ZNF618: variants seen among roughly 807,000 people sequenced by gnomAD.
ZNF618 encodes neural precursor cell expressed, developmentally down-regulated 10.
In ZNF618, 34 loss-of-function variants were observed where a neutral mutation model predicts 103.0. That is an observed-to-expected ratio of 0.33 (90% CI 0.25 to 0.44). The LOEUF is 0.44. Among genes scored for constraint, ZNF618 ranks in the 20% least tolerant of loss-of-function variants. ZNF618 has a pLI of 1.00. For synonymous variants in ZNF618, 551 were observed against 542.2 expected (o/e 1.02, Z -0.23); for missense variants, 1,059 against 1,295.4 (o/e 0.82, Z 2.80).
intron 1 of ZNF618, among the ~76,000 whole-genome samples, chr9:113,877,426 A>G (rs115637619): frequency 0.048 from 7,287 of 152,274 alleles, 265 homozygotes; most frequent in African/African-American, 0.095. Flanking sequence ...TAATTTCTCT[A>G]TATGGCAATA....
At chr9:114,041,267 A>G (rs1017595916) in intron 13 of ZNF618, among the ~76,000 whole-genome samples, 1 of 152,078 alleles carries the variant, frequency 6.6e-6, no homozygotes, top group African/African-American at 2.4e-5. Context: ...ATTTTCTCCC[A>G]TTCTGTAGGT....
rs566345260 is a variant in ZNF618 at position 113,919,467 on chromosome 9, T to C, written c.33+43054T>C. Among the ~76,000 whole-genome samples the C allele has an allele frequency of 2.6e-5, 4 of 152,366 alleles. No individual in the cohort carries two copies. The South Asian group carries it at 6.2e-4, about 24-fold the overall frequency. On this transcript the variant is annotated intron_variant, in intron 1 of 14. Transcript: ENST00000374126. ...ATCAGATTTTTATTTATGAGTTGAA[T>C]TGTATGTGTGTGTGCATCCCTGAGG...
chr9:113,923,785 A>T (rs1397660043), intron 1 of ZNF618, among the ~76,000 whole-genome samples: 1 of 152,076 alleles, frequency 6.6e-6, no homozygotes, highest in Non-Finnish European at 1.5e-5. Context: ...CAGATTGAGT[A>T]TCCCTTATCT....
rs74967400 is a variant in ZNF618 at position 113,958,444 on chromosome 9, G to A, written c.34-10673G>A. ...GATGCTGGCCACTTCTAGATTGCTAGGATTACCTTCATTTGAAGCCCTTTA... is the reference window on the plus strand; with the variant it reads ...GATGCTGGCCACTTCTAGATTGCTAAGATTACCTTCATTTGAAGCCCTTTA... On this transcript the variant is annotated intron_variant, in intron 1 of 14. Coordinates refer to ENST00000374126, the MANE Select transcript of ZNF618 (RefSeq NM_001318042.2). Among the ~76,000 whole-genome samples, 798 of 152,268 alleles carry A rather than the reference G, an allele frequency of 5.2e-3. 7 individuals are homozygous for A. Among genetic ancestry groups the A allele is most frequent in the African/African-American group, 0.019 (769 of 41,560 alleles).
chr9:114,031,066 A>G (rs1843984348), intron 11 of ZNF618, among the ~76,000 whole-genome samples: 1 of 152,070 alleles, frequency 6.6e-6, no homozygotes, highest in Non-Finnish European at 1.5e-5. Context: ...AGTACATCCA[A>G]CCCCAGTAAC....
chr9:113,954,270 G>A (rs1244336611), intron 1 of ZNF618, among the ~76,000 whole-genome samples: 2 of 152,126 alleles, frequency 1.3e-5, no homozygotes, highest in Non-Finnish European at 2.9e-5. Flanking sequence ...ATCCCTATAG[G>A]TCTGGTCAAG....
Position 114,048,860 on chromosome 9 carries a change from A to G in ZNF618, c.1558A>G (p.Thr520Ala), listed in dbSNP as rs1845890679. The change falls in exon 15 of 15, where the codon ACG becomes GCG. Residue 520 changes from threonine to alanine, a missense_variant. Thr to Ala is a moderately conservative substitution (Grantham distance 58). Coordinates refer to ENST00000374126, the MANE Select transcript of ZNF618 (RefSeq NM_001318042.2). The stretch of plus-strand genomic sequence containing the variant: ...CACTGAAATCCTGGGCAACTTCAAC[A>G]CGCTGGCGCTGAAGCACCTGCCACG... ...SVTEILGNFNTLALKHLPRMY... is the reference protein window; with the variant it reads ...SVTEILGNFNALALKHLPRMY... 1.2e-6 allele frequency: 2 copies of G among 1,607,954 alleles called. No homozygotes were observed. Among genetic ancestry groups the G allele is most frequent in the Non-Finnish European group, 1.7e-6 (2 of 1,177,070 alleles).
At chr9:113,997,054 C>G (rs1274763121) in intron 3 of ZNF618, among the ~76,000 whole-genome samples, 2 of 151,426 alleles carry the variant, frequency 1.3e-5, no homozygotes, top group African/African-American at 4.8e-5. Context: ...TTCTCTCTCT[C>G]TCTTTCTTTT....
intron 6 of ZNF618, among the ~76,000 whole-genome samples, chr9:114,006,791 G>A (rs1286029986): frequency 6.6e-6 from 1 of 152,118 alleles, no homozygotes; most frequent in Non-Finnish European, 1.5e-5. Flanking sequence ...CACTCATGTG[G>A]TTGCTAGCAG....
chr9:113,983,051 A>G (rs1011987072), intron 2 of ZNF618, among the ~76,000 whole-genome samples: 37 of 152,244 alleles, frequency 2.4e-4, no homozygotes, highest in African/African-American at 8.4e-4. Context: ...GTAGTTATCT[A>G]TATATAAATC....
At chr9:114,030,644 TC>T (rs1346536578) in intron 11 of ZNF618, among the ~76,000 whole-genome samples, 1 of 152,174 alleles carries the variant, frequency 6.6e-6, no homozygotes, top group Non-Finnish European at 1.5e-5. Flanking sequence ...TCAGAGGGCA[TC>T]CGGTTGGGAG....
intron 1 of ZNF618, among the ~76,000 whole-genome samples, chr9:113,932,757 TA>T (rs1234266176): frequency 1.3e-5 from 2 of 152,072 alleles, no homozygotes; most frequent in Non-Finnish European, 2.9e-5. Flanking sequence ...GGACCAGGTA[TA>T]GGGGGAGTGG....
In ZNF618 at chr9:113,938,441, C is replaced by T. The variant is rs553309924; in HGVS notation, c.34-30676C>T. Among the ~76,000 whole-genome samples, 25 of 152,132 alleles carry T rather than the reference C, an allele frequency of 1.6e-4. No individual in the cohort carries two copies. In the South Asian group the frequency reaches 4.8e-3, roughly 29 times the overall value. The stretch of plus-strand genomic sequence containing the variant: ...AGTGATTCTCCCTTGTTGGCTGCCT[C>T]AAAGCATTGGGATTATAGGCGTGAG... On this transcript the variant is annotated intron_variant, in intron 1 of 14. Transcript: ENST00000374126.
At chr9:113,915,068 T>C (rs1263729710) in intron 1 of ZNF618, among the ~76,000 whole-genome samples, 1 of 152,232 alleles carries the variant, frequency 6.6e-6, no homozygotes, top group African/African-American at 2.4e-5. Context: ...CTACCTTACT[T>C]AGCAAAACTT....
intron 1 of ZNF618, among the ~76,000 whole-genome samples, chr9:113,885,634 G>A (rs1246181747): frequency 1.3e-5 from 2 of 152,176 alleles, no homozygotes; most frequent in Non-Finnish European, 2.9e-5. Flanking sequence ...CCTAGCCCTG[G>A]AAGGCCTTGG....
chr9:113,996,495 A>G (rs1214830416), intron 3 of ZNF618, among the ~76,000 whole-genome samples: 2 of 152,134 alleles, frequency 1.3e-5, no homozygotes, highest in African/African-American at 2.4e-5. Flanking sequence ...TCTCCTAGGC[A>G]TCTTCCCAGC....
intron 1 of ZNF618, among the ~76,000 whole-genome samples, chr9:113,964,380 C>G (rs1837159320): frequency 6.6e-6 from 1 of 152,196 alleles, no homozygotes; most frequent in South Asian, 2.1e-4. Flanking sequence ...CCCCAGCATT[C>G]TTTCCGCCGC....
intron 4 of ZNF618, among the ~76,000 whole-genome samples, chr9:114,001,277 C>CA (rs149565331): frequency 6.6e-6 from 1 of 150,758 alleles, no homozygotes; most frequent in Non-Finnish European, 1.5e-5. Context: ...TGGCAAGGGG[C>CA]TGGGGGGGCC....
chr9:113,986,649 C>T (rs576606018), intron 2 of ZNF618, among the ~76,000 whole-genome samples: 37 of 152,276 alleles, frequency 2.4e-4, no homozygotes, highest in African/African-American at 7.0e-4. Context: ...CATTTAACCA[C>T]ACTTAACCTC....
Sources: gnomAD v4.1 joint callset for allele counts (sites outside exome capture counted in the v4.1 genomes callset) on GRCh38, gnomAD v4.1.1 for gene constraint, MANE v1.5 for transcripts, NCBI Gene and HGNC (gene_info 2026-07-23, HGNC 2026-07-21) for gene names.